Variants in ATP1B1 observed in about 807,000 individuals in gnomAD.
ATP1B1 encodes the protein sodium/potassium-transporting ATPase subunit beta-1.
ATP1B1 carries 3 observed loss-of-function variants against 39.6 expected under a neutral mutation model. The ratio of observed to expected loss-of-function variants is 0.08; its 90% CI spans 0.03 to 0.20. ATP1B1 has a LOEUF of 0.20. Among genes scored for constraint, ATP1B1 ranks in the 10% least tolerant of loss-of-function variants. The probability of loss-of-function intolerance (pLI) is 1.00; values close to 1 mark genes in which losing one functional copy is unlikely to be tolerated. For synonymous variants in ATP1B1, 139 were observed against 135.0 expected, an observed-to-expected ratio of 1.03 and a Z score of -0.20; for missense variants, 216 against 371.1, an observed-to-expected ratio of 0.58 and a Z score of 3.43.
intron 2 of ATP1B1, among the ~76,000 whole-genome samples, chr1:169,116,128 C>G (rs564311599): frequency 8.3e-4 from 126 of 152,372 alleles, no homozygotes; most frequent in African/African-American, 2.8e-3. Context: ...CTCAGGCTAC[C>G]AAGCCCTGGC....
chr1:169,122,682 CTA>C (rs16631), intron 2 of ATP1B1, among the ~76,000 whole-genome samples: 10,482 of 149,174 alleles, frequency 0.07, 1,170 homozygotes, highest in East Asian at 0.57. Flanking sequence ...TGATTCATTT[CTA>C]TCACTGTTGA....
intron 2 of ATP1B1, among the ~76,000 whole-genome samples, chr1:169,112,228 C>T (rs539322124): frequency 1.3e-5 from 2 of 152,352 alleles, no homozygotes; most frequent in South Asian, 4.1e-4. Context: ...TGCAAACTGC[C>T]ACACGAGTCC....
intron 3 of ATP1B1, among the ~76,000 whole-genome samples, chr1:169,125,858 C>A (rs527407962): frequency 6.6e-5 from 10 of 152,138 alleles, no homozygotes; most frequent in Non-Finnish European, 1.5e-4. Flanking sequence ...GCCCGTGGTC[C>A]CAGCTACTTG....
chr1:169,115,623 A>G (rs1571221590), intron 2 of ATP1B1, among the ~76,000 whole-genome samples: 4 of 152,232 alleles, frequency 2.6e-5, no homozygotes, highest in African/African-American at 9.6e-5. Context: ...TGCTGGGATT[A>G]CAGGCGTGAG....
intron 3 of ATP1B1, among the ~76,000 whole-genome samples, chr1:169,126,710 C>CA (rs2101791295): frequency 6.6e-6 from 1 of 151,384 alleles, no homozygotes; most frequent in East Asian, 1.9e-4. Flanking sequence ...GACCCTGTCT[C>CA]AAAAAAACCC....
Position 169,131,708 on chromosome 1 carries a change from A to G in ATP1B1, c.*153A>G, listed in dbSNP as rs1658224370. The G allele has an allele frequency of 1.4e-5, 12 of 888,074 alleles. No homozygotes were observed. The highest frequency in any genetic ancestry group is 5.4e-5 in the East Asian group (2 of 36,816). 55.0% of individuals were successfully genotyped at this position (888,074 alleles called of 1,614,324 possible). A position where few individuals can be genotyped will look rare whatever the true frequency, so the allele number is the denominator to read the frequency against. On this transcript the variant is annotated 3_prime_UTR_variant, in exon 6 of 6. Transcript: ENST00000367815. This position sits in a 1 kb window ranked among gnomAD's most constrained non-coding sequence, Gnocchi z 4.4. The stretch of plus-strand genomic sequence containing the variant: ...AGCTTTCTGCATTTAATAGGTTAGA[A>G]TGTAAATTAAAGTGTAGCAATAGCA...
At chr1:169,109,883 A>C (rs1191966880) in intron 1 of ATP1B1, among the ~76,000 whole-genome samples, 1 of 152,074 alleles carries the variant, frequency 6.6e-6, no homozygotes, top group South Asian at 2.1e-4. Flanking sequence ...AAAATTTTCC[A>C]GATCTCTTGA....
chr1:169,114,705 G>A (rs907284700), intron 2 of ATP1B1, among the ~76,000 whole-genome samples: 66 of 152,166 alleles, frequency 4.3e-4, no homozygotes, highest in African/African-American at 1.4e-3. Flanking sequence ...AATGGTGGCC[G>A]TTTAATGCAC....
intron 3 of ATP1B1, among the ~76,000 whole-genome samples, chr1:169,126,640 G>A (rs1013787050): frequency 5.3e-5 from 8 of 152,184 alleles, no homozygotes; most frequent in African/African-American, 1.9e-4. Context: ...GAGCCCAGGA[G>A]GTTGAGGCTG....
In ATP1B1 at chr1:169,106,805, C is replaced by T; in HGVS notation, c.-25C>T. ...CCGCAGCCACCCACCCTCCGGACCG[C>T]GGCAGCTGCTGACCCGCCATCGCCA... On this transcript the variant is annotated 5_prime_UTR_variant, in exon 1 of 6. Coordinates refer to ENST00000367815, the MANE Select transcript of ATP1B1 (RefSeq NM_001677.4). 3 of 1,560,316 alleles carry T rather than the reference C, an allele frequency of 1.9e-6. No individual in the cohort carries two copies. Among genetic ancestry groups the T allele is most frequent in the South Asian group, 1.2e-5 (1 of 85,426 alleles).
intron 1 of ATP1B1, among the ~76,000 whole-genome samples, chr1:169,108,426 C>G (rs546018319): frequency 1.1e-4 from 16 of 151,960 alleles, no homozygotes; most frequent in Non-Finnish European, 1.9e-4. Flanking sequence ...TTGAGGGAGG[C>G]CTGGAAGGTG....
Position 169,132,035 on chromosome 1 carries a change from T to TTTG in ATP1B1, c.*482_*483insGTT, listed in dbSNP as rs1553237590. ...GGCATGGTAATTTTTTTTTTTTTTT[T>TTTG]TTTTTTGTTTTTTGGCTCTTTCAAA... On this transcript the variant is annotated 3_prime_UTR_variant, in exon 6 of 6. Coordinates refer to ENST00000367815, the MANE Select transcript of ATP1B1 (RefSeq NM_001677.4). 2.5e-3 allele frequency: 618 copies of TTTG among 244,670 alleles called. 7 individuals carry two copies. The highest frequency in any genetic ancestry group is 0.02 in the Admixed American group (367 of 18,746). 15.2% of individuals were successfully genotyped at this position (244,670 alleles called of 1,614,324 possible). A position where few individuals can be genotyped will look rare whatever the true frequency, so the allele number is the denominator to read the frequency against.
chr1:169,111,484 G>A lies in ATP1B1; in HGVS notation c.212G>A (p.Arg71Gln). ...ISEFKPTYQD[R>Q]VAPPGLTQIP... ...GAATTTAAGCCCACATATCAGGACC[G>A]AGTGGCCCCGCCAGGTAAAATCCAC... The change falls in exon 2 of 6, where the codon CGA (arginine) becomes CAA (glutamine). Residue 71 changes from arginine to glutamine, a missense_variant. Transcript: ENST00000367815. The A allele has an allele frequency of 5.6e-6, 9 of 1,613,800 alleles. No individual in the cohort carries two copies. Among genetic ancestry groups the A allele is most frequent in the African/African-American group, 1.3e-5 (1 of 75,042 alleles).
chr1:169,132,019 AT>A lies in ATP1B1; in HGVS notation c.*486del, dbSNP rs34447553. 1,362 of 190,294 alleles carry A rather than the reference AT, an allele frequency of 7.2e-3. No individual in the cohort carries two copies. The highest frequency in any genetic ancestry group is 0.012 in the South Asian group (230 of 18,982). The allele number at this position is 190,294 out of a possible 1,614,324, so 11.8% of individuals were successfully genotyped here. A position where few individuals can be genotyped will look rare whatever the true frequency, so the allele number is the denominator to read the frequency against. The stretch of plus-strand genomic sequence containing the variant: ...CAACGGGAATAAAACTGGCATGGTA[AT>A]TTTTTTTTTTTTTTTTTTTTTGTTT... On this transcript the variant is annotated 3_prime_UTR_variant, in exon 6 of 6. Transcript: ENST00000367815.
chr1:169,123,032 G>C (rs900669321), intron 2 of ATP1B1, among the ~76,000 whole-genome samples: 2 of 151,954 alleles, frequency 1.3e-5, no homozygotes, highest in Non-Finnish European at 1.5e-5. Flanking sequence ...ACAACCCCCT[G>C]AGCCCACCTC....
chr1:169,125,983 TAAAA>T (rs1658077265), intron 3 of ATP1B1, among the ~76,000 whole-genome samples: 1 of 152,068 alleles, frequency 6.6e-6, no homozygotes, highest in African/African-American at 2.4e-5. Flanking sequence ...TCAAAAACGT[TAAAA>T]CAAACAAACA....
intron 5 of ATP1B1, among the ~76,000 whole-genome samples, chr1:169,130,498 T>C (rs1030846441): frequency 2.0e-5 from 3 of 152,172 alleles, no homozygotes; most frequent in South Asian, 4.1e-4. Context: ...TTTAAAAATA[T>C]TGAAATATCG....
chr1:169,132,355 T>C lies in ATP1B1; in HGVS notation c.*800T>C. On this transcript the variant is annotated 3_prime_UTR_variant, in exon 6 of 6. Transcript: ENST00000367815. ...TAGTGACAGGGCTAATTAATTTGCTTTATACATTTTCTTTTACTTTCCTTT... is the reference window on the plus strand; with the variant it reads ...TAGTGACAGGGCTAATTAATTTGCTCTATACATTTTCTTTTACTTTCCTTT... The C allele has an allele frequency of 2.1e-6, 1 of 466,700 alleles. No individual in the cohort carries two copies. Among genetic ancestry groups the C allele is most frequent in the African/African-American group, 2.0e-5 (1 of 49,058 alleles). The allele number at this position is 466,700 out of a possible 1,614,324, so 28.9% of individuals were successfully genotyped here.
In ATP1B1 at chr1:169,122,107, A is replaced by T. The variant is rs781393021; in HGVS notation, c.227-2777A>T. On this transcript the variant is annotated intron_variant, in intron 2 of 5. Coordinates refer to ENST00000367815, the MANE Select transcript of ATP1B1 (RefSeq NM_001677.4). Reference sequence around the variant, plus strand: ...AAACATCACACAGAATACTTGGAGGAGGTTCCTGCAGACCTCCTGCCTGAG... The same window carrying T: ...AAACATCACACAGAATACTTGGAGGTGGTTCCTGCAGACCTCCTGCCTGAG... Among the ~76,000 whole-genome samples, 4 of 152,116 alleles carry T rather than the reference A, an allele frequency of 2.6e-5. No homozygotes were observed. In the East Asian group the frequency reaches 7.7e-4, roughly 29 times the overall value.
Sources: gnomAD v4.1 joint callset for allele counts (sites outside exome capture counted in the v4.1 genomes callset) on GRCh38, gnomAD v4.1.1 for gene constraint, Gnocchi (gnomAD v3.1) non-coding constraint, MANE v1.5 for transcripts, NCBI Gene and HGNC (gene_info 2026-07-23, HGNC 2026-07-21) for gene names.